Variants in SKAP1 observed in about 807,000 individuals in gnomAD.
The protein encoded by SKAP1 is src kinase-associated phosphoprotein 1.
In SKAP1, 44 loss-of-function variants were observed where a neutral mutation model predicts 58.5. The ratio of observed to expected loss-of-function variants is 0.75; its 90% CI spans 0.59 to 0.97. The LOEUF is 0.97. Among genes scored for constraint, SKAP1 ranks in the 50% least tolerant of loss-of-function variants. The pLI, the probability that SKAP1 is intolerant of heterozygous loss-of-function variation, is 0.00. For synonymous variants in SKAP1, 127 were observed against 149.7 expected (o/e 0.85, Z 1.11); for missense variants, 390 against 435.2 (o/e 0.90, Z 0.92).
chr17:48,241,226 A>C (rs761132008), intron 4 of SKAP1, among the ~76,000 whole-genome samples: 4 of 151,982 alleles, frequency 2.6e-5, no homozygotes, highest in African/African-American at 4.8e-5. Context: ...CTCAAACAGG[A>C]AGTCAAAGCC....
At chr17:48,322,017 C>T (rs558887965) in intron 4 of SKAP1, among the ~76,000 whole-genome samples, 100 of 152,292 alleles carry the variant, frequency 6.6e-4, no homozygotes, top group African/African-American at 2.4e-3. Flanking sequence ...ACCCAAGAAA[C>T]CCCTTTGAAT....
At chr17:48,222,541 A>G (rs1157928106) in intron 4 of SKAP1, among the ~76,000 whole-genome samples, 2 of 151,780 alleles carry the variant, frequency 1.3e-5, no homozygotes, top group Admixed American at 6.6e-5. Flanking sequence ...TTGCAGTGGC[A>G]CAATCTCAGC....
At position 48,413,969 on chromosome 17, in the gene SKAP1, C is replaced by G. The variant is rs547412952; in HGVS notation, c.46+16106G>C. On this transcript the variant is annotated intron_variant, in intron 1 of 12. Transcript: ENST00000336915. ...CCGCATGGTGTAAATGTCCTCAGAC[C>G]AAAGAGAAAAGGCAAAAATCAAAAA... Among the ~76,000 whole-genome samples, 50 of 152,112 alleles carry G rather than the reference C, an allele frequency of 3.3e-4. 1 individual carries two copies. The South Asian group carries it at 9.3e-3, about 28-fold the overall frequency.
the SKAP1 span, among the ~76,000 whole-genome samples, chr17:48,436,528 A>G: frequency 6.6e-6 from 1 of 151,794 alleles, no homozygotes; most frequent in African/African-American, 2.4e-5. Context: ...GCCTCCTCTC[A>G]TCCCTCCACT....
At chr17:48,416,151 T>C (rs1321170362) in intron 1 of SKAP1, among the ~76,000 whole-genome samples, 2 of 152,206 alleles carry the variant, frequency 1.3e-5, no homozygotes, top group Non-Finnish European at 2.9e-5. Flanking sequence ...TTTTAAAAAA[T>C]TGTAGGAGCA....
chr17:48,211,308 T>C (rs1444967356), intron 4 of SKAP1, among the ~76,000 whole-genome samples: 1 of 152,138 alleles, frequency 6.6e-6, no homozygotes, highest in Non-Finnish European at 1.5e-5. Flanking sequence ...ATAGAAGTTA[T>C]GAGTTGTCTG....
At chr17:48,150,939 T>A (rs2063895493) in intron 11 of SKAP1, among the ~76,000 whole-genome samples, 1 of 152,154 alleles carries the variant, frequency 6.6e-6, no homozygotes, top group African/African-American at 2.4e-5. Flanking sequence ...CGCAAGCCTT[T>A]CCATGACAAC....
intron 5 of SKAP1, 94 bp from the exon 6 acceptor site, chr17:48,188,020 G>C (rs1261443354): frequency 1.1e-6 from 1 of 895,128 alleles, no homozygotes; most frequent in Non-Finnish European, 1.8e-6. Context: ...GTGTGTTATT[G>C]TTTTATTTCC....
At chr17:48,436,557 C>G in the SKAP1 span, among the ~76,000 whole-genome samples, 1 of 152,166 alleles carries the variant, frequency 6.6e-6, no homozygotes, top group Non-Finnish European at 1.5e-5. Flanking sequence ...TGATCACACT[C>G]TCTTACACCA....
chr17:48,187,679 C>T (rs575122449), intron 6 of SKAP1, among the ~76,000 whole-genome samples, 164 bp downstream of exon 6: 5 of 152,204 alleles, frequency 3.3e-5, no homozygotes, highest in African/African-American at 7.2e-5. Context: ...TCTGCTTTTT[C>T]GGTGATGGGC....
At chr17:48,420,394 G>GGA (rs2067779338) in intron 1 of SKAP1, among the ~76,000 whole-genome samples, 3 of 152,122 alleles carry the variant, frequency 2.0e-5, no homozygotes. Flanking sequence ...AACTTGTTTT[G>GGA]CTGTGTGTCA....
At chr17:48,235,674 G>A (rs2065172333) in intron 4 of SKAP1, among the ~76,000 whole-genome samples, 1 of 152,198 alleles carries the variant, frequency 6.6e-6, no homozygotes, top group Admixed American at 6.5e-5. Context: ...CAGCAAAGCT[G>A]AGGATGGCAA....
In SKAP1 at chr17:48,347,440, A is replaced by C. The variant is rs184265000; in HGVS notation, c.179-1434T>G. Among the ~76,000 whole-genome samples the C allele has an allele frequency of 3.2e-3, 482 of 152,312 alleles. 2 individuals are homozygous for C. Among genetic ancestry groups the C allele is most frequent in the Admixed American group, 0.016 (250 of 15,302 alleles). ...ACTAGAAAGCCAGGGAGGTTATAAAATGATAAAAAGAGAATGGCTGTAGCT... is the reference window on the plus strand; with the variant it reads ...ACTAGAAAGCCAGGGAGGTTATAAACTGATAAAAAGAGAATGGCTGTAGCT... On this transcript the variant is annotated intron_variant, in intron 3 of 12. Transcript: ENST00000336915.
intron 1 of SKAP1, among the ~76,000 whole-genome samples, chr17:48,401,602 A>G (rs1213615226): frequency 2.6e-5 from 4 of 152,176 alleles, no homozygotes; most frequent in African/African-American, 9.7e-5. Flanking sequence ...CCTACCTCAC[A>G]CCATATAAAA....
chr17:48,413,024 G>A (rs994729233), intron 1 of SKAP1, among the ~76,000 whole-genome samples: 19 of 149,538 alleles, frequency 1.3e-4, no homozygotes, highest in Non-Finnish European at 2.4e-4. Flanking sequence ...CTAAAAATAC[G>A]CCCACACACT....
chr17:48,322,633 G>A (rs1039024273), intron 4 of SKAP1, among the ~76,000 whole-genome samples: 5 of 152,198 alleles, frequency 3.3e-5, no homozygotes, highest in African/African-American at 1.2e-4. Flanking sequence ...GACAGGAAGG[G>A]CAAAGGGCTT....
chr17:48,228,459 A>C (rs1397675048), intron 4 of SKAP1, among the ~76,000 whole-genome samples: 1 of 152,224 alleles, frequency 6.6e-6, no homozygotes, highest in Non-Finnish European at 1.5e-5. Context: ...AGCATTATTC[A>C]AATATTGCTG....
intron 1 of SKAP1, among the ~76,000 whole-genome samples, chr17:48,422,531 T>C (rs1334383744): frequency 2.0e-5 from 3 of 152,190 alleles, no homozygotes. Flanking sequence ...TATCTCAATA[T>C]TACAGATCAA....
chr17:48,248,857 A>G, intron 4 of SKAP1: 1 of 150,428 alleles, frequency 6.6e-6, no homozygotes, highest in South Asian at 2.1e-4. Flanking sequence ...GAGGGCCTTT[A>G]AAAAAAAATC....
Sources: allele counts gnomAD v4.1 joint callset (sites outside exome capture counted in the v4.1 genomes callset), GRCh38; gene constraint gnomAD v4.1.1; transcripts MANE v1.5; gene names NCBI Gene and HGNC (gene_info 2026-07-23, HGNC 2026-07-21).